The following COL5A1 variants were observed in gnomAD, a reference collection of about 807,000 sequenced individuals.
COL5A1 encodes the protein collagen type V alpha 1 chain, also known as collagen alpha-1(V) chain.
COL5A1 carries 16 observed loss-of-function variants against 263.7 expected under a neutral mutation model. The ratio of observed to expected loss-of-function variants is 0.06; its 90% CI spans 0.04 to 0.09. COL5A1 has a LOEUF of 0.09. Among genes scored for constraint, COL5A1 ranks in the 10% least tolerant of loss-of-function variants. The pLI, the probability that COL5A1 is intolerant of heterozygous loss-of-function variation, is 1.00. For missense variants in COL5A1, 2,036 were observed against 2,540.5 expected (o/e 0.80, Z 4.27); for synonymous variants, 1,012 against 1,004.5 (o/e 1.01, Z -0.14).
rs747976738 is a variant in COL5A1, at chr9:134,727,331, C to T, written c.720C>T (p.Tyr240=). 1 of 1,614,000 alleles carries T rather than the reference C, an allele frequency of 6.2e-7. No homozygotes were observed. Among genetic ancestry groups the T allele is most frequent in the Non-Finnish European group, 8.5e-7 (1 of 1,179,868 alleles). The part of the protein sequence containing the change: ...HRAAYDYCEH[Y]SPDCDTAVPD... The stretch of plus-strand genomic sequence containing the variant: ...CAGCTTATGATTACTGTGAGCACTA[C>T]AGCCCTGACTGTGACACCGCAGTAC... The change falls in exon 5 of 66, where the codon TAC becomes TAT. Residue 240 remains tyrosine, a synonymous_variant. Coordinates refer to ENST00000371817, the MANE Select transcript of COL5A1 (RefSeq NM_000093.5).
intron 4 of COL5A1, among the ~76,000 whole-genome samples, chr9:134,704,069 C>A (rs533238808): frequency 6.6e-6 from 1 of 152,192 alleles, no homozygotes; most frequent in African/African-American, 2.4e-5. Context: ...GATCCTAAAA[C>A]AAATAGTGCT....
In COL5A1 at chr9:134,686,894, G is replaced by T. The variant is rs368565540; in HGVS notation, c.110-4018G>T. On this transcript the variant is annotated intron_variant, in intron 1 of 65. Transcript: ENST00000371817. The surrounding 1 kb of genome is among the most constrained non-coding windows in gnomAD (Gnocchi z 4.6). ...ATGTCCCATAGGTGGTTCCAGGGAG[G>T]CTCCTGGTTTCAGTGCACACAGCTG... 7.4e-4 allele frequency among the ~76,000 whole-genome samples: 113 copies of T among 152,276 alleles called. No homozygotes were observed. In the East Asian group the frequency reaches 0.017, roughly 22 times the overall value.
At chr9:134,816,371 C>T (rs1016913503) in intron 52 of COL5A1, among the ~76,000 whole-genome samples, 1 of 152,222 alleles carries the variant, frequency 6.6e-6, no homozygotes, top group Admixed American at 6.5e-5. Flanking sequence ...TCACACTGGA[C>T]GTTGCATCTG....
chr9:134,795,175 T>A (rs1270753149), intron 33 of COL5A1, 49 bp downstream of exon 33: 1 of 1,613,416 alleles, frequency 6.2e-7, no homozygotes, highest in Non-Finnish European at 8.5e-7. Flanking sequence ...GGGAGCATGG[T>A]TTAGGGAGCA....
At chr9:134,752,320 G>C (rs1034001609) in intron 13 of COL5A1, among the ~76,000 whole-genome samples, 1 of 152,122 alleles carries the variant, frequency 6.6e-6, no homozygotes, top group Admixed American at 6.5e-5. Flanking sequence ...AGGAAGGAGG[G>C]ATGGGGCCTA....
chr9:134,766,727 C>G (rs1285144974), intron 22 of COL5A1, among the ~76,000 whole-genome samples: 3 of 152,224 alleles, frequency 2.0e-5, no homozygotes, highest in Non-Finnish European at 2.9e-5. Flanking sequence ...TGGTCAGTTC[C>G]TCTCACGTGT....
rs978352115 is a variant in COL5A1, at chr9:134,696,153, C to T, written c.278-3756C>T. ...CTCTTTCTGCCACCCTGCCCCACTG[C>T]CCCCTGCATTATTTGCAATTATTAT... On this transcript the variant is annotated intron_variant, in intron 2 of 65. Coordinates refer to ENST00000371817, the MANE Select transcript of COL5A1 (RefSeq NM_000093.5). The surrounding 1 kb of genome is among the most constrained non-coding windows in gnomAD (Gnocchi z 4.3). Among the ~76,000 whole-genome samples the T allele has an allele frequency of 2.6e-5, 4 of 152,028 alleles. No individual in the cohort carries two copies. Among genetic ancestry groups the T allele is most frequent in the African/African-American group, 7.3e-5 (3 of 41,368 alleles).
rs547764891 is a variant in COL5A1 at position 134,844,607 on chromosome 9, A to C, written c.*2304A>C. On this transcript the variant is annotated 3_prime_UTR_variant, in exon 66 of 66. Coordinates refer to ENST00000371817, the MANE Select transcript of COL5A1 (RefSeq NM_000093.5). ...TATATATAATTGGACAAACGCTGGC[A>C]AAAAGAAAAAAATGGTAAGCAAAAA... 3 of 152,208 alleles carry C rather than the reference A, an allele frequency of 2.0e-5. No individual in the cohort carries two copies. The highest frequency in any genetic ancestry group is 2.0e-4 in the Admixed American group (3 of 15,272). 9.4% of individuals were successfully genotyped at this position (152,208 alleles called of 1,614,324 possible).
intron 14 of COL5A1, among the ~76,000 whole-genome samples, chr9:134,753,240 T>TTAGCTC (rs1835853823): frequency 6.6e-6 from 1 of 152,192 alleles, no homozygotes; most frequent in African/African-American, 2.4e-5. Flanking sequence ...TGGCCTCAAC[T>TTAGCTC]TAGCTCTCAT....
chr9:134,801,299 G>A (rs995937305), intron 37 of COL5A1, among the ~76,000 whole-genome samples: 3 of 152,270 alleles, frequency 2.0e-5, no homozygotes, highest in Non-Finnish European at 2.9e-5. Flanking sequence ...CATCAGAGGC[G>A]TTCACGCCAA....
intron 5 of COL5A1, 109 bp from the exon 6 acceptor site, chr9:134,728,561 T>C (rs1834741641): frequency 3.3e-6 from 5 of 1,521,158 alleles, no homozygotes; most frequent in Non-Finnish European, 4.5e-6. Flanking sequence ...CGCCTGGGGC[T>C]GGACGGGGCG....
Position 134,790,323 on chromosome 9 carries a change from C to T in COL5A1, c.2700+1115C>T, listed in dbSNP as rs1255400835. ...TTACCCATCCATCCATCCACCCACC[C>T]ATCCATCCATCCATCCACCCACCCA... is the stretch of plus-strand genomic sequence containing the variant. On this transcript the variant is annotated intron_variant, in intron 32 of 65. Transcript: ENST00000371817. Among the ~76,000 whole-genome samples the T allele has an allele frequency of 2.6e-5, 4 of 151,714 alleles. No individual in the cohort carries two copies. In the East Asian group the frequency reaches 7.7e-4, roughly 29 times the overall value.
At chr9:134,730,097 G>A (rs1247098370) in intron 6 of COL5A1, 139 bp from the exon 7 acceptor site, 5 of 1,308,004 alleles carry the variant, frequency 3.8e-6, no homozygotes, top group Non-Finnish European at 5.4e-6. Context: ...GCACCCAAGA[G>A]GTCTCTGGGC....
chr9:134,714,077 A>G (rs1285250369), intron 4 of COL5A1, among the ~76,000 whole-genome samples: 1 of 152,240 alleles, frequency 6.6e-6, no homozygotes, highest in Non-Finnish European at 1.5e-5. Flanking sequence ...TTACAGTCAG[A>G]GACCCAGATT....
rs147695706 is a variant in COL5A1 at position 134,705,885 on chromosome 9, C to T, written c.654+4552C>T. Among the ~76,000 whole-genome samples the T allele has an allele frequency of 2.4e-4, 37 of 152,310 alleles. No homozygotes were observed. In the East Asian group the frequency reaches 5.6e-3, roughly 23 times the overall value. On this transcript the variant is annotated intron_variant, in intron 4 of 65. Transcript: ENST00000371817. ...CCCTGGGCCTTCAGGAGGATGGAGCCGCTGAGAGGTCCATGGGGAAAGAAC... is the reference window on the plus strand; with the variant it reads ...CCCTGGGCCTTCAGGAGGATGGAGCTGCTGAGAGGTCCATGGGGAAAGAAC...
intron 43 of COL5A1, among the ~76,000 whole-genome samples, chr9:134,810,026 C>T (rs892432878): frequency 2.6e-5 from 4 of 152,230 alleles, no homozygotes; most frequent in Admixed American, 1.3e-4. Context: ...CCCACATCTT[C>T]AAGTCTACTA....
intron 11 of COL5A1, among the ~76,000 whole-genome samples, chr9:134,748,174 A>G (rs1206191610): frequency 2.0e-5 from 3 of 151,506 alleles, no homozygotes; most frequent in African/African-American, 7.3e-5. Context: ...GTGCACACAC[A>G]TGCATTCATG....
At chr9:134,693,391 AT>A (rs970390236) in intron 2 of COL5A1, among the ~76,000 whole-genome samples, 4 of 151,730 alleles carry the variant, frequency 2.6e-5, no homozygotes, top group East Asian at 1.9e-4. Flanking sequence ...AGTCTGCGGG[AT>A]TTTTTTTTAA....
At chr9:134,675,295 A>G (rs994615077) in intron 1 of COL5A1, among the ~76,000 whole-genome samples, 1 of 152,202 alleles carries the variant, frequency 6.6e-6, no homozygotes, top group African/African-American at 2.4e-5. Flanking sequence ...GAGAGGTGTC[A>G]ATTTAGACTC....
Sources: allele counts gnomAD v4.1 joint callset (sites outside exome capture counted in the v4.1 genomes callset), GRCh38; gene constraint gnomAD v4.1.1; non-coding constraint Gnocchi (gnomAD v3.1); transcripts MANE v1.5; gene names NCBI Gene and HGNC (gene_info 2026-07-23, HGNC 2026-07-21).